KDM5B: variants seen among roughly 807,000 people sequenced by gnomAD.
KDM5B encodes the protein lysine-specific demethylase 5B.
KDM5B carries 144 observed loss-of-function variants against 193.4 expected under a neutral mutation model. The ratio of observed to expected loss-of-function variants is 0.74; its 90% CI spans 0.65 to 0.86. The LOEUF (loss-of-function observed/expected upper bound fraction) is 0.86, where lower values mean the gene tolerates loss of function less well. KDM5B is among the 40% of genes least tolerant of loss of function. The pLI is 0.00. For missense variants in KDM5B, 1,833 were observed against 1,886.9 expected (o/e 0.97, Z 0.53); for synonymous variants, 668 against 682.6 (o/e 0.98, Z 0.33).
chr1:202,799,393 C>T (rs1349078606), intron 1 of KDM5B, among the ~76,000 whole-genome samples: 1 of 152,190 alleles, frequency 6.6e-6, no homozygotes, highest in Non-Finnish European at 1.5e-5. Flanking sequence ...GTGGCTCGCG[C>T]CTGTAATCCC....
chr1:202,751,645 TAG>T (rs758935630), intron 12 of KDM5B, among the ~76,000 whole-genome samples: 5 of 152,150 alleles, frequency 3.3e-5, no homozygotes, highest in Admixed American at 6.6e-5. Flanking sequence ...TGATTCTCAA[TAG>T]AGTTATTAGA....
chr1:202,740,464 C>T (rs1208147898), intron 20 of KDM5B, among the ~76,000 whole-genome samples: 2 of 100,900 alleles, frequency 2.0e-5, no homozygotes, highest in Non-Finnish European at 4.8e-5. Flanking sequence ...GGGCTGACCC[C>T]CTCACCTCCC....
At chr1:202,798,582 A>G (rs942713002) in intron 1 of KDM5B, among the ~76,000 whole-genome samples, 1 of 152,182 alleles carries the variant, frequency 6.6e-6, no homozygotes, top group Non-Finnish European at 1.5e-5. Flanking sequence ...TTGAAAAATT[A>G]GCCAGGCATG....
At chr1:202,792,219 T>C (rs537295503) in intron 1 of KDM5B, among the ~76,000 whole-genome samples, 8 of 152,154 alleles carry the variant, frequency 5.3e-5, no homozygotes, top group African/African-American at 1.9e-4. Flanking sequence ...TTGTTTTCTA[T>C]ATTTTGAGGG....
chr1:202,789,911 C>A lies in KDM5B; in HGVS notation c.205-12817G>T, dbSNP rs375768247. ...CTGCTGCATTCCAGCCTGGGAAACA[C>A]AAGACCTCATCTCTAAAAAATAATA... On this transcript the variant is annotated intron_variant, in intron 1 of 26. Coordinates refer to ENST00000367265, the MANE Select transcript of KDM5B (RefSeq NM_006618.5). Among the ~76,000 whole-genome samples the A allele has an allele frequency of 1.1e-4, 17 of 152,150 alleles. 1 individual carries two copies. Among genetic ancestry groups the A allele is most frequent in the Admixed American group, 6.5e-4 (10 of 15,280 alleles).
At chr1:202,753,755 C>T (rs996818564) in intron 11 of KDM5B, among the ~76,000 whole-genome samples, 5 of 150,382 alleles carry the variant, frequency 3.3e-5, no homozygotes, top group Non-Finnish European at 7.4e-5. Context: ...CTGCAACCTC[C>T]ACCTCCCAGG....
In KDM5B at chr1:202,725,723, A is replaced by C. The variant is rs1306346478; in HGVS notation, c.*3313T>G. The C allele has an allele frequency of 1.3e-5, 2 of 152,264 alleles. No individual in the cohort carries two copies. Among genetic ancestry groups the C allele is most frequent in the Non-Finnish European group, 2.9e-5 (2 of 68,050 alleles). 9.4% of individuals were successfully genotyped at this position (152,264 alleles called of 1,614,324 possible). On this transcript the variant is annotated 3_prime_UTR_variant, in exon 27 of 27. Transcript: ENST00000367265. ...CACTAGCATGGACTAGTATGTAGTT[A>C]GTCTGATAATGAATAACCAGCTCTG...
At position 202,801,737 on chromosome 1, in the gene KDM5B, T is replaced by C. The variant is rs553952980; in HGVS notation, c.204+6365A>G. The stretch of plus-strand genomic sequence containing the variant: ...AATACTTCTCAATTGCATACCATTC[T>C]TATGTCTAAAACAAGTTTCTCACAA... On this transcript the variant is annotated intron_variant, in intron 1 of 26. Transcript: ENST00000367265. Among the ~76,000 whole-genome samples the C allele has an allele frequency of 1.8e-4, 27 of 152,362 alleles. No individual in the cohort carries two copies. The South Asian group carries it at 3.5e-3, about 20-fold the overall frequency.
intron 25 of KDM5B, 95 bp downstream of exon 25, chr1:202,730,814 C>T: frequency 7.8e-7 from 1 of 1,280,556 alleles, no homozygotes; most frequent in Non-Finnish European, 1.1e-6. Context: ...TCGCCCAGTC[C>T]TCACACCAGC....
At chr1:202,785,158 T>C (rs1367425937) in intron 1 of KDM5B, among the ~76,000 whole-genome samples, 3 of 152,194 alleles carry the variant, frequency 2.0e-5, no homozygotes, top group Admixed American at 2.0e-4. Context: ...AATCTTCCTA[T>C]ACAAAAAGCG....
At chr1:202,743,539 T>C (rs1050617555) in intron 16 of KDM5B, among the ~76,000 whole-genome samples, 3 of 152,112 alleles carry the variant, frequency 2.0e-5, no homozygotes, top group Admixed American at 6.6e-5. Context: ...GACAATGATA[T>C]TGCTCCTTTC....
At chr1:202,802,155 AAAG>A (rs1658100956) in intron 1 of KDM5B, among the ~76,000 whole-genome samples, 2 of 152,324 alleles carry the variant, frequency 1.3e-5, no homozygotes, top group African/African-American at 4.8e-5. Flanking sequence ...TGGCATTTGG[AAAG>A]AAGTACACGC....
chr1:202,758,039 C>G (rs1656087437), intron 9 of KDM5B, among the ~76,000 whole-genome samples: 1 of 152,104 alleles, frequency 6.6e-6, no homozygotes, highest in South Asian at 2.1e-4. Context: ...AATGTGTTCC[C>G]AATGCATAGT....
intron 1 of KDM5B, among the ~76,000 whole-genome samples, chr1:202,804,807 A>C (rs1358503573): frequency 6.7e-6 from 1 of 149,092 alleles, no homozygotes; most frequent in African/African-American, 2.4e-5. Context: ...GTCGGGAGGC[A>C]GAGGTTGTGA....
intron 9 of KDM5B, among the ~76,000 whole-genome samples, chr1:202,758,014 T>C (rs1244683470): frequency 1.3e-5 from 2 of 152,240 alleles, no homozygotes; most frequent in African/African-American, 2.4e-5. Context: ...TATGATTACA[T>C]AACAATATAC....
rs1306153451 is a variant in KDM5B at position 202,724,980 on chromosome 1, C to G, written c.*4056G>C. ...TTTTTAATTTCTCAATTTTCCCATC[C>G]AAGGGGAGGCAGAAAGAATGTTCTT... On this transcript the variant is annotated 3_prime_UTR_variant, in exon 27 of 27. Coordinates refer to ENST00000367265, the MANE Select transcript of KDM5B (RefSeq NM_006618.5). 7 of 152,302 alleles carry G rather than the reference C, an allele frequency of 4.6e-5. No homozygotes were observed. Among genetic ancestry groups the G allele is most frequent in the African/African-American group, 1.7e-4 (7 of 41,562 alleles). The allele number at this position is 152,302 out of a possible 1,614,324, so 9.4% of individuals were successfully genotyped here. A position where few individuals can be genotyped will look rare whatever the true frequency, so the allele number is the denominator to read the frequency against.
In KDM5B at chr1:202,756,566, G is replaced by A. The variant is rs370187067; in HGVS notation, c.1198-50C>T. 5.6e-6 allele frequency: 8 copies of A among 1,424,168 alleles called. 1 individual carries two copies. Among genetic ancestry groups the A allele is most frequent in the Non-Finnish European group, 7.6e-6 (8 of 1,052,294 alleles). 88.2% of individuals were successfully genotyped at this position (1,424,168 alleles called of 1,614,324 possible). On this transcript the variant is annotated intron_variant, in intron 9 of 26. Coordinates refer to ENST00000367265, the MANE Select transcript of KDM5B (RefSeq NM_006618.5). ...ATGAGTTTCCTCACAAACTGTCTGT[G>A]ACCAATTAAGCTCAGTGATGGGAAT...
At chr1:202,792,174 A>G (rs1031189393) in intron 1 of KDM5B, among the ~76,000 whole-genome samples, 15 of 151,856 alleles carry the variant, frequency 9.9e-5, no homozygotes, top group African/African-American at 3.4e-4. Context: ...CAGGTAAGAT[A>G]ATTCCTTATT....
intron 1 of KDM5B, among the ~76,000 whole-genome samples, chr1:202,795,772 A>C (rs184351708): frequency 3.7e-4 from 57 of 152,190 alleles, no homozygotes; most frequent in African/African-American, 1.3e-3. Context: ...ATATGATTAC[A>C]TAGGGGTCCT....
Sources: allele counts gnomAD v4.1 joint callset (sites outside exome capture counted in the v4.1 genomes callset), GRCh38; gene constraint gnomAD v4.1.1; transcripts MANE v1.5; gene names NCBI Gene and HGNC (gene_info 2026-07-23, HGNC 2026-07-21).